The following DIP2B variants were observed in gnomAD, a reference collection of about 807,000 sequenced individuals.
DIP2B encodes the protein disco-interacting protein 2 homolog B.
DIP2B carries 76 observed loss-of-function variants against 198.0 expected under a neutral mutation model. That is an observed-to-expected ratio of 0.38 (90% CI 0.32 to 0.46). The LOEUF (loss-of-function observed/expected upper bound fraction) is 0.46. Ranked by LOEUF, DIP2B falls within the 20% of genes least tolerant of loss-of-function variation. The probability of loss-of-function intolerance (pLI) is 0.99; values close to 1 mark genes in which losing one functional copy is unlikely to be tolerated. For synonymous variants in DIP2B, 701 were observed against 739.1 expected (o/e 0.95, Z 0.84); for missense variants, 1,559 against 1,978.4 (o/e 0.79, Z 4.02).
At chr12:50,578,971 G>A (rs531615956) in intron 1 of DIP2B, among the ~76,000 whole-genome samples, 1 of 152,224 alleles carries the variant, frequency 6.6e-6, no homozygotes, top group East Asian at 1.9e-4. Flanking sequence ...TAAAATTGCT[G>A]GAAACAGCAC....
chr12:50,577,306 C>T (rs979365660), intron 1 of DIP2B, among the ~76,000 whole-genome samples: 41 of 151,908 alleles, frequency 2.7e-4, no homozygotes, highest in African/African-American at 8.7e-4. Flanking sequence ...CCGAGGCGGG[C>T]GGATCACGAG....
intron 1 of DIP2B, among the ~76,000 whole-genome samples, chr12:50,557,153 A>C (rs1958478805): frequency 6.6e-6 from 1 of 152,188 alleles, no homozygotes; most frequent in African/African-American, 2.4e-5. Flanking sequence ...GTATTGTGAG[A>C]CTTTCTGAAT....
At chr12:50,507,932 C>G (rs1957982635) in intron 1 of DIP2B, among the ~76,000 whole-genome samples, 1 of 151,028 alleles carries the variant, frequency 6.6e-6, no homozygotes, top group South Asian at 2.1e-4. Flanking sequence ...TTTTAAGGTT[C>G]AGCCTGTCAT....
chr12:50,613,462 CTACCTA>C (rs1203581419), intron 1 of DIP2B, among the ~76,000 whole-genome samples: 1 of 152,204 alleles, frequency 6.6e-6, no homozygotes, highest in Non-Finnish European at 1.5e-5. Context: ...GCTCCAGCAC[CTACCTA>C]TACCTCCCTA....
chr12:50,609,009 A>C (rs2139451031), intron 1 of DIP2B, among the ~76,000 whole-genome samples: 1 of 152,120 alleles, frequency 6.6e-6, no homozygotes, highest in South Asian at 2.1e-4. Context: ...AGGTGTGCTG[A>C]TGGGTGCCTG....
chr12:50,528,230 C>CTTTTTTTTTTTTTTT (rs954160858), intron 1 of DIP2B, among the ~76,000 whole-genome samples: 1 of 140,416 alleles, frequency 7.1e-6, no homozygotes, highest in Non-Finnish European at 1.6e-5. Context: ...CCTGACCCTT[C>CTTTTTTTTTTTTTTT]TTTTTTTTTT....
intron 9 of DIP2B, among the ~76,000 whole-genome samples, chr12:50,682,852 GGTTT>G (rs906881634): frequency 4.6e-5 from 7 of 152,036 alleles, no homozygotes; most frequent in Admixed American, 4.6e-4. Flanking sequence ...TGCTTAAGAT[GGTTT>G]GTTTGTTGCT....
At chr12:50,605,831 G>GT (rs1270352648) in intron 1 of DIP2B, among the ~76,000 whole-genome samples, 6 of 150,742 alleles carry the variant, frequency 4.0e-5, no homozygotes, top group Admixed American at 2.7e-4. Flanking sequence ...CTTTTCTTTC[G>GT]TTTTTTTTAG....
At chr12:50,525,524 T>A (rs1958155753) in intron 1 of DIP2B, among the ~76,000 whole-genome samples, 1 of 150,902 alleles carries the variant, frequency 6.6e-6, no homozygotes, top group Non-Finnish European at 1.5e-5. Context: ...TTTTTTTTTT[T>A]TTTTTTGAGA....
At chr12:50,517,539 C>T (rs1402712589) in intron 1 of DIP2B, among the ~76,000 whole-genome samples, 1 of 152,054 alleles carries the variant, frequency 6.6e-6, no homozygotes, top group Non-Finnish European at 1.5e-5. Flanking sequence ...CTTTCTCTAC[C>T]CTGTCACTGA....
chr12:50,734,256 C>T, intron 33 of DIP2B, 60 bp downstream of exon 33: 2 of 1,556,440 alleles, frequency 1.3e-6, no homozygotes, highest in Non-Finnish European at 8.8e-7. Flanking sequence ...AAATTCGGAA[C>T]CTCAAAGCCA....
At chr12:50,736,167 G>A (rs1255645565) in intron 34 of DIP2B, among the ~76,000 whole-genome samples, 3 of 152,142 alleles carry the variant, frequency 2.0e-5, no homozygotes, top group South Asian at 2.1e-4. Context: ...CCCATGGGGC[G>A]CTTACTCCAG....
At chr12:50,739,629 T>G in intron 36 of DIP2B, 43 bp downstream of exon 36, 1 of 1,605,326 alleles carries the variant, frequency 6.2e-7, no homozygotes, top group Non-Finnish European at 8.5e-7. Context: ...TTTGTGTTTC[T>G]GTAGCACTAG....
chr12:50,590,184 A>G (rs1958807007), intron 1 of DIP2B, among the ~76,000 whole-genome samples: 1 of 151,528 alleles, frequency 6.6e-6, no homozygotes, highest in Non-Finnish European at 1.5e-5. Context: ...TTTTATGTAG[A>G]GGTGGGATCC....
intron 12 of DIP2B, 43 bp from the exon 13 acceptor site, chr12:50,691,006 C>T: frequency 1.3e-6 from 2 of 1,546,056 alleles, no homozygotes; most frequent in Non-Finnish European, 1.8e-6. Context: ...TCTGAAATAA[C>T]CCATTTTATT....
At chr12:50,726,566 G>A (rs1377740667) in intron 28 of DIP2B, among the ~76,000 whole-genome samples, 2 of 152,048 alleles carry the variant, frequency 1.3e-5, no homozygotes, top group Non-Finnish European at 2.9e-5. Context: ...GGCCAGGCTG[G>A]TCTCGAACCC....
chr12:50,701,688 T>TC (rs1362206632), intron 19 of DIP2B, among the ~76,000 whole-genome samples: 3 of 152,092 alleles, frequency 2.0e-5, no homozygotes, highest in Non-Finnish European at 4.4e-5. Context: ...CAGGCCAAGA[T>TC]CTAGTATTGA....
chr12:50,545,063 A>G (rs765322201), intron 1 of DIP2B, among the ~76,000 whole-genome samples: 2 of 151,834 alleles, frequency 1.3e-5, no homozygotes, highest in South Asian at 2.1e-4. Flanking sequence ...CATTTATTCT[A>G]TTGTTGGTGA....
At chr12:50,666,823 C>T (rs1032547613) in intron 4 of DIP2B, among the ~76,000 whole-genome samples, 9 of 151,974 alleles carry the variant, frequency 5.9e-5, no homozygotes, top group Non-Finnish European at 1.3e-4. Flanking sequence ...AGATCAAGAC[C>T]ATCCTGGCTA....
Sources: gnomAD v4.1 joint callset for allele counts (sites outside exome capture counted in the v4.1 genomes callset) on GRCh38, gnomAD v4.1.1 for gene constraint, MANE v1.5 for transcripts, NCBI Gene and HGNC (gene_info 2026-07-23, HGNC 2026-07-21) for gene names.